Variants in EFNA5 observed in about 807,000 individuals in gnomAD.
EFNA5 encodes the protein ephrin-A5.
In EFNA5, 5 loss-of-function variants were observed where a neutral mutation model predicts 22.9. The ratio of observed to expected loss-of-function variants is 0.22; its 90% CI spans 0.11 to 0.46. EFNA5 has a LOEUF of 0.46. Among genes scored for constraint, EFNA5 ranks in the 20% least tolerant of loss-of-function variants. The pLI, the probability that EFNA5 is intolerant of heterozygous loss-of-function variation, is 0.99. For synonymous variants in EFNA5, 113 were observed against 112.2 expected (o/e 1.01, Z -0.04); for missense variants, 237 against 293.3 (o/e 0.81, Z 1.40).
intron 1 of EFNA5, among the ~76,000 whole-genome samples, chr5:107,645,122 A>G (rs1365521407): frequency 6.6e-6 from 1 of 152,220 alleles, no homozygotes; most frequent in Non-Finnish European, 1.5e-5. Flanking sequence ...ATTAAGCCCC[A>G]CATGCATTAG....
intron 1 of EFNA5, among the ~76,000 whole-genome samples, chr5:107,601,375 TA>T (rs1212576254): frequency 2.0e-5 from 3 of 151,808 alleles, no homozygotes; most frequent in Non-Finnish European, 4.4e-5. Flanking sequence ...AAGCACAGAG[TA>T]ATTCACTGCC....
At chr5:107,414,832 TC>T (rs1748461796) in intron 2 of EFNA5, among the ~76,000 whole-genome samples, 6 of 152,088 alleles carry the variant, frequency 3.9e-5, no homozygotes, top group Admixed American at 3.3e-4. Flanking sequence ...TCATAAAAAC[TC>T]ATGCAAAAAT....
rs955639117 is a variant in EFNA5 at position 107,625,410 on chromosome 5, T to TA, written c.125+45078dup. On this transcript the variant is annotated intron_variant, in intron 1 of 4. Transcript: ENST00000333274. ...ATGTACAAAGCAGAACAAAGAAAAA[T>TA]AAAAAAAAAATCACCAGCAGGCAGC... is the stretch of plus-strand genomic sequence containing the variant. 8.5e-3 allele frequency among the ~76,000 whole-genome samples: 1,265 copies of TA among 149,100 alleles called. 16 individuals carry two copies. The highest frequency in any genetic ancestry group is 0.025 in the African/African-American group (1,012 of 40,786).
At chr5:107,530,812 T>C (rs1387959311) in intron 1 of EFNA5, among the ~76,000 whole-genome samples, 1 of 152,134 alleles carries the variant, frequency 6.6e-6, no homozygotes, top group Non-Finnish European at 1.5e-5. Context: ...TGAGAAATAA[T>C]GGGTGATACT....
chr5:107,497,080 T>G (rs1747006184), intron 1 of EFNA5, among the ~76,000 whole-genome samples: 1 of 152,236 alleles, frequency 6.6e-6, no homozygotes, highest in Non-Finnish European at 1.5e-5. Context: ...TTCCATTTAT[T>G]AAGACAATTT....
chr5:107,457,545 G>GA (rs1465539781), intron 1 of EFNA5, among the ~76,000 whole-genome samples: 1 of 152,066 alleles, frequency 6.6e-6, no homozygotes, highest in Non-Finnish European at 1.5e-5. Context: ...ATAATGGCAA[G>GA]AAAAAAGTCT....
At chr5:107,647,648 A>G (rs1379468731) in intron 1 of EFNA5, among the ~76,000 whole-genome samples, 1 of 152,220 alleles carries the variant, frequency 6.6e-6, no homozygotes, top group East Asian at 1.9e-4. Context: ...TTCATGTCCA[A>G]CAAATTACTA....
intron 1 of EFNA5, among the ~76,000 whole-genome samples, chr5:107,479,556 T>C (rs1750400763): frequency 6.6e-6 from 1 of 151,926 alleles, no homozygotes; most frequent in Admixed American, 6.6e-5. Context: ...GACATGGAAG[T>C]TTTCTAGGGA....
At chr5:107,453,408 A>G (rs1199116008) in intron 1 of EFNA5, among the ~76,000 whole-genome samples, 1 of 152,180 alleles carries the variant, frequency 6.6e-6, no homozygotes, top group Non-Finnish European at 1.5e-5. Flanking sequence ...GGTCTTATGT[A>G]TGTCATTCTG....
At chr5:107,401,772 G>T (rs951091047) in intron 2 of EFNA5, among the ~76,000 whole-genome samples, 1 of 152,184 alleles carries the variant, frequency 6.6e-6, no homozygotes, top group Non-Finnish European at 1.5e-5. Context: ...TGCTTTTGCA[G>T]GGCCAAGCCA....
intron 1 of EFNA5, among the ~76,000 whole-genome samples, chr5:107,539,563 A>T (rs1260801578): frequency 6.6e-6 from 1 of 151,932 alleles, no homozygotes; most frequent in African/African-American, 2.4e-5. Flanking sequence ...GGTTCTAGCA[A>T]CTCTCCTGTC....
At chr5:107,569,521 G>GTA (rs1351602482) in intron 1 of EFNA5, among the ~76,000 whole-genome samples, 48 of 125,654 alleles carry the variant, frequency 3.8e-4, no homozygotes, top group African/African-American at 1.3e-3. Context: ...ATATATGTGT[G>GTA]TATATATATT....
intron 1 of EFNA5, among the ~76,000 whole-genome samples, chr5:107,660,576 G>C (rs1750932470): frequency 6.6e-6 from 1 of 151,770 alleles, no homozygotes; most frequent in Admixed American, 6.6e-5. Flanking sequence ...TAGGTAAAGA[G>C]TACAAAGATT....
chr5:107,638,410 A>C (rs1033462547), intron 1 of EFNA5, among the ~76,000 whole-genome samples: 11 of 152,230 alleles, frequency 7.2e-5, no homozygotes, highest in African/African-American at 2.7e-4. Flanking sequence ...AAGTGAAATA[A>C]GTTCAAGAGA....
chr5:107,496,778 AAACCT>A (rs1746996964), intron 1 of EFNA5, among the ~76,000 whole-genome samples: 1 of 152,230 alleles, frequency 6.6e-6, no homozygotes, highest in African/African-American at 2.4e-5. Flanking sequence ...GTGGGTCAGC[AAACCT>A]AGGACTAAAC....
chr5:107,465,453 A>T (rs997819488), intron 1 of EFNA5, among the ~76,000 whole-genome samples: 6 of 152,156 alleles, frequency 3.9e-5, no homozygotes, highest in African/African-American at 1.2e-4. Context: ...CAGAACACCA[A>T]GGTTTCACCG....
intron 1 of EFNA5, among the ~76,000 whole-genome samples, chr5:107,499,817 A>G (rs1186840178): frequency 2.0e-5 from 3 of 152,300 alleles, no homozygotes; most frequent in African/African-American, 7.2e-5. Flanking sequence ...CCAGGGTTCC[A>G]GGGAGAAAAA....
At chr5:107,493,203 TTTG>T (rs1746864294) in intron 1 of EFNA5, among the ~76,000 whole-genome samples, 1 of 144,790 alleles carries the variant, frequency 6.9e-6, no homozygotes, top group Non-Finnish European at 1.5e-5. Context: ...ATAGTTGTTT[TTTG>T]TTTTTTGTTT....
intron 1 of EFNA5, among the ~76,000 whole-genome samples, chr5:107,462,638 AAACAT>A (rs1324937926): frequency 8.5e-5 from 13 of 152,280 alleles, no homozygotes; most frequent in East Asian, 7.7e-4. Context: ...GTGATGAACA[AAACAT>A]AAGATTAGAG....
Sources: gnomAD v4.1 joint callset for allele counts (sites outside exome capture counted in the v4.1 genomes callset) on GRCh38, gnomAD v4.1.1 for gene constraint, MANE v1.5 for transcripts, NCBI Gene and HGNC (gene_info 2026-07-23, HGNC 2026-07-21) for gene names.